Variants in RPS6KC1 observed in about 807,000 individuals in gnomAD.
RPS6KC1 encodes the protein inactive ribosomal protein S6 kinase delta-1.
RPS6KC1 carries 54 observed loss-of-function variants against 103.8 expected under a neutral mutation model. The observed-to-expected ratio is 0.52, with a 90% confidence interval of 0.42 to 0.65. RPS6KC1 has a LOEUF of 0.65. Among genes scored for constraint, RPS6KC1 ranks in the 30% least tolerant of loss-of-function variants. The probability of loss-of-function intolerance (pLI) is 0.00; values close to 1 mark genes in which losing one functional copy is unlikely to be tolerated. For missense variants in RPS6KC1, 1,151 were observed against 1,253.8 expected (o/e 0.92, Z 1.24); for synonymous variants, 439 against 438.7 (o/e 1.00, Z -0.01).
At chr1:213,652,871 C>T in the RPS6KC1 span, among the ~76,000 whole-genome samples, 1 of 152,150 alleles carries the variant, frequency 6.6e-6, no homozygotes, top group Non-Finnish European at 1.5e-5. Flanking sequence ...CCCTCAGAGT[C>T]ATGAAAATTT....
In RPS6KC1 at chr1:213,274,156, G is replaced by T. The variant is rs2149203275; in HGVS notation, c.*1522G>T. On this transcript the variant is annotated 3_prime_UTR_variant, in exon 15 of 15. Transcript: ENST00000366960. ...CAGCTGAAAGGCTGCAACAACACCA[G>T]GTTGGGGAGCAGGTCACCAGGATCA... 1 of 152,242 alleles carries T rather than the reference G, an allele frequency of 6.6e-6. No individual in the cohort carries two copies. Among genetic ancestry groups the T allele is most frequent in the Non-Finnish European group, 1.5e-5 (1 of 68,030 alleles). The allele number at this position is 152,242 out of a possible 1,614,324, so 9.4% of individuals were successfully genotyped here.
the RPS6KC1 span, among the ~76,000 whole-genome samples, chr1:213,736,337 AAC>A: frequency 5.3e-5 from 8 of 152,150 alleles, no homozygotes; most frequent in South Asian, 1.7e-3. Flanking sequence ...TCTATTTCTG[AAC>A]CCATTCAAGT....
At chr1:213,133,265 A>G (rs527884988) in intron 6 of RPS6KC1, among the ~76,000 whole-genome samples, 392 of 152,308 alleles carry the variant, frequency 2.6e-3, no homozygotes, top group Non-Finnish European at 4.7e-3. Context: ...TTTATATATT[A>G]CTGAAAGTGG....
the RPS6KC1 span, among the ~76,000 whole-genome samples, chr1:213,433,849 G>A: frequency 6.6e-6 from 1 of 152,144 alleles, no homozygotes; most frequent in Admixed American, 6.5e-5. Context: ...ATGGACTTAC[G>A]TCTGTTATCA....
chr1:213,138,804 T>G (rs2086679904), intron 6 of RPS6KC1, among the ~76,000 whole-genome samples: 1 of 152,162 alleles, frequency 6.6e-6, no homozygotes, highest in Admixed American at 6.5e-5. Flanking sequence ...TTGTAAATAG[T>G]GTTGTGATAA....
At chr1:213,815,526 C>T in the RPS6KC1 span, among the ~76,000 whole-genome samples, 34 of 152,080 alleles carry the variant, frequency 2.2e-4, no homozygotes, top group African/African-American at 6.7e-4. Flanking sequence ...AAACTGAAAT[C>T]GAAAACAAAT....
chr1:213,151,786 C>G (rs1281989308), intron 6 of RPS6KC1, among the ~76,000 whole-genome samples: 1 of 134,826 alleles, frequency 7.4e-6, no homozygotes, highest in African/African-American at 2.9e-5. Context: ...GGGGCTGACC[C>G]CCCCCACCTC....
chr1:213,272,305 A>G (rs2095064278), intron 14 of RPS6KC1, among the ~76,000 whole-genome samples: 2 of 152,232 alleles, frequency 1.3e-5, no homozygotes, highest in Admixed American at 6.5e-5. Flanking sequence ...CATGTTTCCC[A>G]TCAGTTGAAA....
chr1:213,522,888 C>T, the RPS6KC1 span, among the ~76,000 whole-genome samples: 1 of 152,202 alleles, frequency 6.6e-6, no homozygotes, highest in African/African-American at 2.4e-5. Context: ...GCTTTCTTAT[C>T]ATTGGTGTGT....
chr1:213,685,588 C>T, the RPS6KC1 span, among the ~76,000 whole-genome samples: 1 of 151,052 alleles, frequency 6.6e-6, no homozygotes, highest in Admixed American at 6.6e-5. Flanking sequence ...TGAGATTGTG[C>T]CACTACACTG....
the RPS6KC1 span, among the ~76,000 whole-genome samples, chr1:213,449,583 G>T: frequency 9.2e-5 from 14 of 152,150 alleles, no homozygotes; most frequent in South Asian, 1.5e-3. Flanking sequence ...CTCTTTAACG[G>T]CCATATCTCC....
At chr1:213,519,620 C>T in the RPS6KC1 span, among the ~76,000 whole-genome samples, 2 of 152,152 alleles carry the variant, frequency 1.3e-5, no homozygotes. Flanking sequence ...ATAGCAGCTG[C>T]GTGGTACTAG....
the RPS6KC1 span, among the ~76,000 whole-genome samples, chr1:213,849,542 G>T: frequency 5.9e-5 from 9 of 152,020 alleles, no homozygotes. Context: ...CAGCTCTCTG[G>T]TGGTACAATT....
chr1:213,069,686 A>AT (rs1417758821), intron 1 of RPS6KC1, among the ~76,000 whole-genome samples: 1 of 152,042 alleles, frequency 6.6e-6, no homozygotes, highest in Non-Finnish European at 1.5e-5. Context: ...TTTTTTTAAA[A>AT]TTTTTTTTAA....
the RPS6KC1 span, among the ~76,000 whole-genome samples, chr1:213,452,562 C>T: frequency 3.3e-5 from 5 of 152,196 alleles, no homozygotes; most frequent in Non-Finnish European, 7.3e-5. Flanking sequence ...CACATTTTCT[C>T]TAGGTCCAGA....
chr1:213,857,050 T>C, the RPS6KC1 span, among the ~76,000 whole-genome samples: 1 of 152,254 alleles, frequency 6.6e-6, no homozygotes, highest in Non-Finnish European at 1.5e-5. Flanking sequence ...TAGTCTTATA[T>C]TTGTATTGAA....
the RPS6KC1 span, among the ~76,000 whole-genome samples, chr1:213,610,185 G>A: frequency 6.6e-6 from 1 of 152,248 alleles, no homozygotes; most frequent in Admixed American, 6.5e-5. Context: ...GTTGCACCTG[G>A]TTCTGTACGT....
At chr1:213,063,336 G>A (rs779337328) in intron 1 of RPS6KC1, among the ~76,000 whole-genome samples, 16 of 152,200 alleles carry the variant, frequency 1.1e-4, no homozygotes, top group East Asian at 3.9e-4. Context: ...CTTATGTCCT[G>A]GAGAGAGCAC....
chr1:213,201,847 T>C (rs1471777057), intron 8 of RPS6KC1, among the ~76,000 whole-genome samples: 2 of 152,182 alleles, frequency 1.3e-5, no homozygotes, highest in Admixed American at 1.3e-4. Flanking sequence ...ATTGTGATAC[T>C]ATAGTTGATG....
Sources: allele counts gnomAD v4.1 joint callset (sites outside exome capture counted in the v4.1 genomes callset), GRCh38; gene constraint gnomAD v4.1.1; transcripts MANE v1.5; gene names NCBI Gene and HGNC (gene_info 2026-07-23, HGNC 2026-07-21).